TMEM74: variants seen among roughly 807,000 people sequenced by gnomAD.
TMEM74 encodes transmembrane protein 74.
Under a neutral mutation model 18.1 loss-of-function variants are expected in TMEM74, and 13 were observed. The observed-to-expected ratio is 0.72, with a 90% CI of 0.47 to 1.14. The LOEUF is 1.14. TMEM74 is among the 50% of genes most tolerant of loss of function. The pLI is 0.00. For missense variants in TMEM74, 372 were observed against 375.9 expected, an observed-to-expected ratio of 0.99 and a Z score of 0.09; for synonymous variants, 159 against 146.6, an observed-to-expected ratio of 1.08 and a Z score of -0.61.
chr8:108,667,808 C>G (rs1018914623), intron 1 of TMEM74, among the ~76,000 whole-genome samples: 8 of 152,106 alleles, frequency 5.3e-5, no homozygotes, highest in Admixed American at 1.3e-4. Flanking sequence ...CCCTCCCAGC[C>G]CCATCCCCTG....
intron 1 of TMEM74, among the ~76,000 whole-genome samples, chr8:108,711,759 G>T (rs1334515788): frequency 6.6e-6 from 1 of 152,082 alleles, no homozygotes; most frequent in East Asian, 1.9e-4. Flanking sequence ...GTCTCCTAGG[G>T]CCATTCTTGA....
At chr8:108,654,469 T>C (rs1262783778) in intron 2 of TMEM74, among the ~76,000 whole-genome samples, 1 of 152,204 alleles carries the variant, frequency 6.6e-6, no homozygotes, top group Non-Finnish European at 1.5e-5. Context: ...ATTATAAATA[T>C]GTTCTTAGGT....
chr8:108,774,519 A>G (rs1410718674), downstream of TMEM74, among the ~76,000 whole-genome samples: 1 of 152,160 alleles, frequency 6.6e-6, no homozygotes. Context: ...CAGCCACCAG[A>G]TTGAGAAGTT....
chr8:108,745,242 T>G (rs1813837825), intron 1 of TMEM74, among the ~76,000 whole-genome samples: 1 of 152,058 alleles, frequency 6.6e-6, no homozygotes, highest in South Asian at 2.1e-4. Flanking sequence ...GTTAGCAAAC[T>G]TTTTCCATGA....
intron 2 of TMEM74, among the ~76,000 whole-genome samples, chr8:108,616,357 C>T (rs1376177750): frequency 6.6e-6 from 1 of 152,144 alleles, no homozygotes; most frequent in African/African-American, 2.4e-5. Flanking sequence ...CATAAGATGA[C>T]ATTAAATCAG....
Position 108,613,141 on chromosome 8 carries a change from C to T in TMEM74, n.265-4315G>A, listed in dbSNP as rs527435588. ...CCCTTACTTTGATCCTAGCTGCCTA[C>T]ACTACCAAGTTGCAGGCACAAATTA... is the stretch of plus-strand genomic sequence containing the variant. On this transcript the variant is annotated intron_variant and non_coding_transcript_variant, in intron 2 of 3. Coordinates refer to the TMEM74 transcript ENST00000518838. Among the ~76,000 whole-genome samples, 3 of 152,342 alleles carry T rather than the reference C, an allele frequency of 2.0e-5. No individual in the cohort carries two copies. In the South Asian group the frequency reaches 6.2e-4, roughly 32 times the overall value.
In TMEM74 at chr8:108,635,148, A is replaced by G. The variant is rs141922720; in HGVS notation, n.264+20145T>C. ...AAATCTCTCCTGTATCTGTTAAAAA[A>G]GTAACCCTTGGCTCCTCCCTCAAAT... On this transcript the variant is annotated intron_variant and non_coding_transcript_variant, in intron 2 of 3. Transcript: ENST00000518838. Among the ~76,000 whole-genome samples the G allele has an allele frequency of 6.7e-3, 1,026 of 152,080 alleles. 10 individuals carry two copies. Among genetic ancestry groups the G allele is most frequent in the African/African-American group, 0.023 (944 of 41,540 alleles).
chr8:108,655,997 C>G (rs565227623), intron 1 of TMEM74, among the ~76,000 whole-genome samples: 1 of 152,280 alleles, frequency 6.6e-6, no homozygotes, highest in East Asian at 1.9e-4. Context: ...ATCCCACACT[C>G]ATGAGTGTGC....
chr8:108,615,872 C>T (rs1028161315), intron 2 of TMEM74, among the ~76,000 whole-genome samples: 22 of 145,382 alleles, frequency 1.5e-4, no homozygotes, highest in Admixed American at 4.2e-4. Flanking sequence ...CTGCAACCTC[C>T]GCCTTCCAGG....
downstream of TMEM74, among the ~76,000 whole-genome samples, chr8:108,775,374 G>A (rs1814220669): frequency 6.6e-6 from 1 of 152,122 alleles, no homozygotes; most frequent in South Asian, 2.1e-4. Flanking sequence ...ACATTTTCTA[G>A]CCTGTTTCCT....
intron 1 of TMEM74, among the ~76,000 whole-genome samples, chr8:108,678,463 C>T (rs2349201): frequency 6.6e-6 from 1 of 151,686 alleles, no homozygotes; most frequent in Non-Finnish European, 1.5e-5. Context: ...CTCCTGGGTT[C>T]AGGCAATCCT....
chr8:108,640,892 C>T (rs999684681), intron 2 of TMEM74, among the ~76,000 whole-genome samples: 2 of 152,168 alleles, frequency 1.3e-5, no homozygotes, highest in African/African-American at 4.8e-5. Context: ...ATTAACAACT[C>T]TTAGCCCATA....
At chr8:108,707,191 G>A (rs1186412930) in intron 1 of TMEM74, among the ~76,000 whole-genome samples, 6 of 150,176 alleles carry the variant, frequency 4.0e-5, no homozygotes, top group Non-Finnish European at 7.4e-5. Context: ...GTCGGGGGGT[G>A]GGGGGTAGGG....
At chr8:108,625,920 G>T (rs777057412) in intron 2 of TMEM74, among the ~76,000 whole-genome samples, 7 of 152,056 alleles carry the variant, frequency 4.6e-5, no homozygotes, top group Middle Eastern at 3.4e-3. Flanking sequence ...AGTAGGTCAA[G>T]CAAACTTCAT....
chr8:108,618,255 A>G (rs938792225), intron 2 of TMEM74, among the ~76,000 whole-genome samples: 7 of 152,162 alleles, frequency 4.6e-5, no homozygotes, highest in Non-Finnish European at 1.0e-4. Flanking sequence ...GTGCTGAAAT[A>G]TTTTGGAGCA....
Position 108,779,045 on chromosome 8 carries a change from C to T in TMEM74, c.*5136G>A, listed in dbSNP as rs1358188804. ...ATATAATTTTAAAAGACCAAATCAG[C>T]ATTACAGATTCCAATTTAAATTAAG... On this transcript the variant is annotated 3_prime_UTR_variant, in exon 2 of 2. Transcript: ENST00000297459. Among the ~76,000 whole-genome samples the T allele has an allele frequency of 6.6e-6, 1 of 152,100 alleles. No homozygotes were observed. Among genetic ancestry groups the T allele is most frequent in the Non-Finnish European group, 1.5e-5 (1 of 68,010 alleles).
intron 2 of TMEM74, among the ~76,000 whole-genome samples, chr8:108,628,659 G>A (rs967998501): frequency 1.3e-5 from 2 of 152,008 alleles, no homozygotes; most frequent in African/African-American, 4.8e-5. Context: ...GAAATGAGAT[G>A]GCTGGGTCAA....
rs1199122765 is a variant in TMEM74 at position 108,730,634 on chromosome 8, C to CTTTTTTTTTTTTTTTTTTTTTT, written n.119+56841_119+56842insAAAAAAAAAAAAAAAAAAAAAA. Among the ~76,000 whole-genome samples, 17 of 132,184 alleles carry CTTTTTTTTTTTTTTTTTTTTTT rather than the reference C, an allele frequency of 1.3e-4. 1 individual carries two copies. Among genetic ancestry groups the CTTTTTTTTTTTTTTTTTTTTTT allele is most frequent in the African/African-American group, 4.3e-4 (14 of 32,676 alleles). The allele number at this position is 132,184 out of a possible 152,430, so 86.7% of individuals were successfully genotyped here. Reference sequence around the variant, plus strand: ...TTAGCTTTAAATGTATGCAGACTTCCTTTTTTTTTTTTTTTTTGTGACGGA... The same window carrying CTTTTTTTTTTTTTTTTTTTTTT: ...TTAGCTTTAAATGTATGCAGACTTCCTTTTTTTTTTTTTTTTTTTTTTTTTTTTTTTTTTTTTTTGTGACGGA... On this transcript the variant is annotated intron_variant and non_coding_transcript_variant, in intron 1 of 3. Coordinates refer to the TMEM74 transcript ENST00000518838.
chr8:108,670,580 C>G (rs2130589451), intron 1 of TMEM74, among the ~76,000 whole-genome samples: 1 of 152,282 alleles, frequency 6.6e-6, no homozygotes, highest in South Asian at 2.1e-4. Flanking sequence ...ACTTTCTTTA[C>G]TTGCTTCTCA....
Sources: gnomAD v4.1 joint callset for allele counts (sites outside exome capture counted in the v4.1 genomes callset) on GRCh38, gnomAD v4.1.1 for gene constraint, MANE v1.5 for transcripts, NCBI Gene and HGNC (gene_info 2026-07-23, HGNC 2026-07-21) for gene names.